TRAF3: variants seen among roughly 807,000 people sequenced by gnomAD.
The protein encoded by TRAF3 is TNF receptor-associated factor 3.
TRAF3 carries 13 observed loss-of-function variants against 62.3 expected under a neutral mutation model. That is an observed-to-expected ratio of 0.21 (90% CI 0.14 to 0.33). TRAF3 has a LOEUF of 0.33. Ranked by LOEUF, TRAF3 falls within the 10% of genes least tolerant of loss-of-function variation. TRAF3 has a pLI of 1.00. For synonymous variants in TRAF3, 269 were observed against 283.4 expected (o/e 0.95, Z 0.51); for missense variants, 440 against 741.8 (o/e 0.59, Z 4.73).
chr14:102,862,972 C>T (rs1887768345), intron 2 of TRAF3, among the ~76,000 whole-genome samples: 1 of 151,796 alleles, frequency 6.6e-6, no homozygotes, highest in Non-Finnish European at 1.5e-5. Flanking sequence ...CTATTTTTTT[C>T]TTTATCAATA....
intron 2 of TRAF3, among the ~76,000 whole-genome samples, chr14:102,868,823 C>A (rs1888157449): frequency 6.6e-6 from 1 of 152,184 alleles, no homozygotes; most frequent in Non-Finnish European, 1.5e-5. Context: ...CGATTCAACT[C>A]CTTTACATTC....
intron 1 of TRAF3, among the ~76,000 whole-genome samples, chr14:102,830,062 T>C (rs1900578680): frequency 6.6e-6 from 1 of 152,252 alleles, no homozygotes. Context: ...CTGAAATGTC[T>C]GTGTGTGATT....
intron 2 of TRAF3, among the ~76,000 whole-genome samples, chr14:102,869,652 A>G (rs560349146): frequency 3.1e-4 from 47 of 151,982 alleles, no homozygotes; most frequent in African/African-American, 1.1e-3. Context: ...TAAAAATACA[A>G]AAAATTAGCC....
chr14:102,832,599 A>T (rs768210707), intron 2 of TRAF3, among the ~76,000 whole-genome samples: 4 of 152,136 alleles, frequency 2.6e-5, no homozygotes, highest in African/African-American at 4.8e-5. Flanking sequence ...TGAACCCGGG[A>T]GGTGGAGGTT....
In TRAF3 at chr14:102,808,584, G is replaced by A. The variant is rs560547337; in HGVS notation, c.-156-21750G>A. ...AGGGCTTCCAAGGCAGCCTCCAAGG[G>A]AAGGAAATGTCTGAGAAGTTATTTA... On this transcript the variant is annotated intron_variant, in intron 1 of 11. Coordinates refer to ENST00000392745, the MANE Select transcript of TRAF3 (RefSeq NM_145725.3). Among the ~76,000 whole-genome samples the A allele has an allele frequency of 1.2e-3, 178 of 152,102 alleles. 2 individuals carry two copies. Among genetic ancestry groups the A allele is most frequent in the Middle Eastern group, 6.9e-3 (2 of 290 alleles).
chr14:102,821,297 A>G (rs560812440), intron 1 of TRAF3, among the ~76,000 whole-genome samples: 1 of 152,228 alleles, frequency 6.6e-6, no homozygotes. Flanking sequence ...AATCTTTCAG[A>G]TTTTATAAAA....
intron 7 of TRAF3, among the ~76,000 whole-genome samples, chr14:102,886,751 C>A (rs534098754): frequency 6.6e-6 from 1 of 151,990 alleles, no homozygotes; most frequent in Non-Finnish European, 1.5e-5. Context: ...AGTTAAACTC[C>A]GTCTCAAAAA....
intron 6 of TRAF3, among the ~76,000 whole-genome samples, chr14:102,885,288 C>A (rs944013531): frequency 6.6e-6 from 1 of 152,214 alleles, no homozygotes; most frequent in Non-Finnish European, 1.5e-5. Flanking sequence ...CCAGTTCCTT[C>A]AGCAGAACAG....
In TRAF3 at chr14:102,910,255, T is replaced by G. The variant is rs1054557128; in HGVS notation, c.*4471T>G. 6.6e-6 allele frequency: 1 copy of G among 152,232 alleles called. No individual in the cohort carries two copies. The highest frequency in any genetic ancestry group is 2.4e-5 in the African/African-American group (1 of 41,466). 9.4% of individuals were successfully genotyped at this position (152,232 alleles called of 1,614,324 possible). On this transcript the variant is annotated 3_prime_UTR_variant, in exon 12 of 12. Transcript: ENST00000392745. ...TCTGGCAGAGCTGTAAAATACTGTT[T>G]TTTAAAAATTTTAGTCCAGATCTTT...
chr14:102,866,777 C>T (rs901658087), intron 2 of TRAF3, among the ~76,000 whole-genome samples: 5 of 151,116 alleles, frequency 3.3e-5, no homozygotes, highest in South Asian at 2.1e-4. Flanking sequence ...CCCAGGGGGT[C>T]GAGGCTGCAG....
chr14:102,827,150 C>G (rs1900369210), intron 1 of TRAF3, among the ~76,000 whole-genome samples: 1 of 152,256 alleles, frequency 6.6e-6, no homozygotes. Flanking sequence ...CCTTCAGCCC[C>G]TTTTCAATGT....
At chr14:102,786,858 C>T (rs545517903) in intron 1 of TRAF3, among the ~76,000 whole-genome samples, 26 of 152,168 alleles carry the variant, frequency 1.7e-4, no homozygotes, top group African/African-American at 5.8e-4. Flanking sequence ...GGTCTGGTGG[C>T]GTGCTCCTGT....
chr14:102,806,273 T>G (rs927500745), intron 1 of TRAF3, among the ~76,000 whole-genome samples: 1 of 152,170 alleles, frequency 6.6e-6, no homozygotes, highest in Non-Finnish European at 1.5e-5. Flanking sequence ...GTATGACTGT[T>G]AAGATTTTAT....
Position 102,909,983 on chromosome 14 carries a change from C to T in TRAF3, c.*4199C>T, listed in dbSNP as rs1013068004. ...CGCAGCGGGGTCATTCCTTGTCAGC[C>T]CAAGGGAGGGCCGGGGAGTACACTG... is the stretch of plus-strand genomic sequence containing the variant. On this transcript the variant is annotated 3_prime_UTR_variant, in exon 12 of 12. Coordinates refer to ENST00000392745, the MANE Select transcript of TRAF3 (RefSeq NM_145725.3). The T allele has an allele frequency of 6.6e-6, 1 of 152,208 alleles. No individual in the cohort carries two copies. Among genetic ancestry groups the T allele is most frequent in the African/African-American group, 2.4e-5 (1 of 41,450 alleles). 9.4% of individuals were successfully genotyped at this position (152,208 alleles called of 1,614,324 possible).
chr14:102,818,672 C>T (rs530013416), intron 1 of TRAF3, among the ~76,000 whole-genome samples: 3 of 152,336 alleles, frequency 2.0e-5, no homozygotes, highest in Non-Finnish European at 4.4e-5. Context: ...GCTTCTTCAC[C>T]TTCTACTTTC....
At chr14:102,818,724 A>G (rs764559788) in intron 1 of TRAF3, among the ~76,000 whole-genome samples, 12 of 152,166 alleles carry the variant, frequency 7.9e-5, no homozygotes, top group Non-Finnish European at 1.3e-4. Flanking sequence ...TATCCGTCAC[A>G]TATTTCACTT....
At chr14:102,904,304 C>T (rs936279897) in intron 11 of TRAF3, among the ~76,000 whole-genome samples, 19 of 152,198 alleles carry the variant, frequency 1.2e-4, no homozygotes, top group Admixed American at 5.9e-4. Context: ...CCCTGGGAGG[C>T]GGTGGCCTCA....
At chr14:102,841,441 A>G (rs78595253) in intron 2 of TRAF3, among the ~76,000 whole-genome samples, 4,764 of 152,334 alleles carry the variant, frequency 0.031, 82 homozygotes, top group Admixed American at 0.054. Context: ...GGGTGGTCTC[A>G]GGTAGATCCT....
chr14:102,781,313 G>T (rs1046261404), intron 1 of TRAF3, among the ~76,000 whole-genome samples: 18 of 152,202 alleles, frequency 1.2e-4, no homozygotes, highest in Non-Finnish European at 2.2e-4. Context: ...CTGGCCTTTG[G>T]CTCTTGCCAG....
Sources: gnomAD v4.1 joint callset for allele counts (sites outside exome capture counted in the v4.1 genomes callset) on GRCh38, gnomAD v4.1.1 for gene constraint, MANE v1.5 for transcripts, NCBI Gene and HGNC (gene_info 2026-07-23, HGNC 2026-07-21) for gene names.